The following PPFIBP2 variants were observed in gnomAD, a reference collection of about 807,000 sequenced individuals.
PPFIBP2 encodes the protein PPFIB scaffold protein 2, also known as liprin-beta-2.
PPFIBP2 carries 118 observed loss-of-function variants against 118.3 expected under a neutral mutation model. The ratio of observed to expected loss-of-function variants is 1.00; its 90% CI spans 0.86 to 1.16. PPFIBP2 has a LOEUF of 1.16. Among genes scored for constraint, PPFIBP2 ranks in the 50% most tolerant of loss-of-function variants. The pLI is 0.00. For synonymous variants in PPFIBP2, 414 were observed against 397.4 expected, an observed-to-expected ratio of 1.04 and a Z score of -0.50; for missense variants, 1,195 against 1,073.1, an observed-to-expected ratio of 1.11 and a Z score of -1.59.
the PPFIBP2 span, chr11:7,666,001 G>T: frequency 8.2e-7 from 1 of 1,219,650 alleles, no homozygotes; most frequent in Non-Finnish European, 1.2e-6. Flanking sequence ...GGTGCTCTGT[G>T]CACAGTGGTT....
At chr11:7,666,403 C>G in the PPFIBP2 span, 2 of 1,256,092 alleles carry the variant, frequency 1.6e-6, no homozygotes, top group Non-Finnish European at 2.3e-6. Context: ...TCAAAGTGGT[C>G]AAGGGTTGGT....
chr11:7,655,406 C>A (rs1028958845), downstream of PPFIBP2: 7 of 1,287,268 alleles, frequency 5.4e-6, no homozygotes, highest in African/African-American at 3.0e-5. Flanking sequence ...TCCATGTGTG[C>A]TGACCAGGCT....
In PPFIBP2 at chr11:7,653,086, G is replaced by T. The variant is rs773761372; in HGVS notation, c.2499G>T (p.Thr833=). The T allele has an allele frequency of 1.2e-6, 2 of 1,613,844 alleles. No homozygotes were observed. Among genetic ancestry groups the T allele is most frequent in the Non-Finnish European group, 1.7e-6 (2 of 1,179,746 alleles). ...GAAAAAAGAAGTTCGATGAATCGAC[G>T]GACTACATTTGCCCAATGGAGCCCA... The part of the protein sequence containing the change: ...NIRKKKFDES[T]DYICPMEPSD... Residue 833 remains threonine, a synonymous_variant, in exon 24 of 24, where the codon ACG becomes ACT. Coordinates refer to ENST00000299492, the MANE Select transcript of PPFIBP2 (RefSeq NM_003621.5).
At chr11:7,601,572 T>C (rs1475076742) in intron 5 of PPFIBP2, among the ~76,000 whole-genome samples, 3 of 152,106 alleles carry the variant, frequency 2.0e-5, no homozygotes, top group Admixed American at 6.5e-5. Flanking sequence ...GCTACAAGCA[T>C]CTCTCAGGAC....
intron 1 of PPFIBP2, among the ~76,000 whole-genome samples, chr11:7,520,348 T>C (rs7481378): frequency 1 from 152,228 of 152,228 alleles, 76,114 homozygotes; most frequent in Non-Finnish European, 1. Flanking sequence ...GGCTGGCTCT[T>C]TTCCTGCTTT....
chr11:7,514,688 C>T (rs995582687), intron 1 of PPFIBP2, among the ~76,000 whole-genome samples: 4 of 152,174 alleles, frequency 2.6e-5, no homozygotes, highest in African/African-American at 9.7e-5. Context: ...TGGGGACGGT[C>T]CTATTTAAAA....
At chr11:7,582,192 G>A (rs1857369891) in intron 3 of PPFIBP2, among the ~76,000 whole-genome samples, 1 of 152,146 alleles carries the variant, frequency 6.6e-6, no homozygotes, top group Non-Finnish European at 1.5e-5. Flanking sequence ...AGAGTTATGG[G>A]GAGGATGACA....
At chr11:7,526,857 A>G (rs1850277969) in intron 1 of PPFIBP2, among the ~76,000 whole-genome samples, 1 of 152,104 alleles carries the variant, frequency 6.6e-6, no homozygotes, top group Non-Finnish European at 1.5e-5. Context: ...CTATGATCCC[A>G]AGAAGTGACT....
At chr11:7,634,370 A>AT (rs1167817309) in intron 12 of PPFIBP2, 125 bp from the exon 13 acceptor site, 2,444 of 693,494 alleles carry the variant, frequency 3.5e-3, no homozygotes, top group Non-Finnish European at 4.2e-3. Context: ...ATGAGAGGGT[A>AT]TTTTTTTTTC....
chr11:7,537,098 G>A (rs774620576), intron 1 of PPFIBP2, among the ~76,000 whole-genome samples: 2 of 152,166 alleles, frequency 1.3e-5, no homozygotes, highest in Non-Finnish European at 1.5e-5. Context: ...GCTGGGAAGA[G>A]TGGGTGGCTT....
chr11:7,610,630 C>A, intron 6 of PPFIBP2: 1 of 575,858 alleles, frequency 1.7e-6, no homozygotes, highest in Non-Finnish European at 2.8e-6. Context: ...AGTTTTGGCT[C>A]TAAGGCTTTA....
At chr11:7,555,582 T>C (rs11041447) in intron 2 of PPFIBP2, among the ~76,000 whole-genome samples, 16,572 of 152,212 alleles carry the variant, frequency 0.11, 923 homozygotes, top group South Asian at 0.2. Context: ...CTGTTTCCCA[T>C]TGCAGGTTGT....
chr11:7,557,350 T>G (rs75238256), intron 2 of PPFIBP2, among the ~76,000 whole-genome samples: 4,233 of 152,234 alleles, frequency 0.028, 88 homozygotes, highest in Non-Finnish European at 0.046. Flanking sequence ...ACATATGACA[T>G]ATGCCCAAAT....
chr11:7,626,734 T>C (rs1367183310), intron 8 of PPFIBP2, among the ~76,000 whole-genome samples: 1 of 152,262 alleles, frequency 6.6e-6, no homozygotes, highest in African/African-American at 2.4e-5. Context: ...AAAGTGATCA[T>C]ACACCTTTCA....
rs1181245309 is a variant in PPFIBP2, at chr11:7,625,661, TCTC to T, written c.712-113_712-111del. 9.2e-6 allele frequency: 7 copies of T among 763,686 alleles called. No individual in the cohort carries two copies. In the African/African-American group the frequency reaches 1.0e-4, roughly 11 times the overall value. The allele number at this position is 763,686 out of a possible 1,614,324, so 47.3% of individuals were successfully genotyped here. On this transcript the variant is annotated intron_variant, in intron 7 of 23. Transcript: ENST00000299492. ...TGAGCCCCTGCTCCTGCTCACCTCT[TCTC>T]CTAACTCCTGATGCACCCTGGTGCC...
rs1305604780 is a variant in PPFIBP2, at chr11:7,616,833, G to C, written c.619-4102G>C. ...CTGCTTGGATGAAGAGTTTCTTCTA[G>C]ACTCCATGCCTCGGTGTTGACACAA... On this transcript the variant is annotated intron_variant, in intron 6 of 23. Transcript: ENST00000299492. The surrounding 1 kb of genome is among the most constrained non-coding windows in gnomAD (Gnocchi z 5.2). Among the ~76,000 whole-genome samples, 1 of 151,882 alleles carries C rather than the reference G, an allele frequency of 6.6e-6. No individual in the cohort carries two copies. The highest frequency in any genetic ancestry group is 1.5e-5 in the Non-Finnish European group (1 of 67,992).
At chr11:7,527,662 C>A (rs1218734219) in intron 1 of PPFIBP2, among the ~76,000 whole-genome samples, 2 of 152,032 alleles carry the variant, frequency 1.3e-5, no homozygotes, top group East Asian at 3.9e-4. Flanking sequence ...TTGGGGGGGC[C>A]TGGCTTGCTG....
intron 21 of PPFIBP2, among the ~76,000 whole-genome samples, chr11:7,650,566 T>G (rs1490747700): frequency 6.6e-6 from 1 of 152,266 alleles, no homozygotes; most frequent in Non-Finnish European, 1.5e-5. Context: ...TGTCCTCATT[T>G]ATTTGTCTCA....
chr11:7,618,238 A>G (rs1252024315), intron 6 of PPFIBP2, among the ~76,000 whole-genome samples: 1 of 152,228 alleles, frequency 6.6e-6, no homozygotes, highest in African/African-American at 2.4e-5. Flanking sequence ...AGACTTGGAT[A>G]GAGAAGCCTT....
Sources: allele counts gnomAD v4.1 joint callset (sites outside exome capture counted in the v4.1 genomes callset), GRCh38; gene constraint gnomAD v4.1.1; non-coding constraint Gnocchi (gnomAD v3.1); transcripts MANE v1.5; gene names NCBI Gene and HGNC (gene_info 2026-07-23, HGNC 2026-07-21).